The following FAM227B variants were observed in gnomAD, a reference collection of about 807,000 sequenced individuals.
FAM227B encodes family with sequence similarity 227 member B, also known as protein FAM227B.
In FAM227B, 88 loss-of-function variants were observed where a neutral mutation model predicts 73.8. The observed-to-expected ratio is 1.19, with a 90% CI of 1.00 to 1.42. FAM227B has a LOEUF of 1.42. FAM227B is among the 40% of genes most tolerant of loss of function. The pLI is 0.00. For missense variants in FAM227B, 632 were observed against 590.9 expected, an observed-to-expected ratio of 1.07 and a Z score of -0.72; for synonymous variants, 210 against 190.5, an observed-to-expected ratio of 1.10 and a Z score of -0.84.
chr15:49,476,873 C>G (rs2055372798), intron 11 of FAM227B, among the ~76,000 whole-genome samples: 1 of 151,912 alleles, frequency 6.6e-6, no homozygotes, highest in African/African-American at 2.4e-5. Flanking sequence ...TCCTGGCTAA[C>G]ACGGTGAAAC....
chr15:49,611,221 T>G lies in FAM227B; in HGVS notation c.99A>C (p.Gln33His). 1 of 1,586,046 alleles carries G rather than the reference T, an allele frequency of 6.3e-7. No individual in the cohort carries two copies. Among genetic ancestry groups the G allele is most frequent in the Non-Finnish European group, 8.6e-7 (1 of 1,157,294 alleles). Residue 33 changes from glutamine to histidine, a missense_variant, in exon 3 of 16, where the codon CAA becomes CAC. By Grantham distance (24) the Gln-to-His change is conservative. Coordinates refer to ENST00000299338, the MANE Select transcript of FAM227B (RefSeq NM_152647.3). ...PKSIEEFLKFQNWDYWPREIH... is the reference protein window; with the variant it reads ...PKSIEEFLKFHNWDYWPREIH... ...AATAAGATGCTTTACTCACCCAATT[T>G]TGAAACTTTAAGAATTCTTCAATGC...
intron 13 of FAM227B, among the ~76,000 whole-genome samples, chr15:49,352,416 G>C (rs1271870710): frequency 6.6e-6 from 1 of 152,144 alleles, no homozygotes; most frequent in East Asian, 1.9e-4. Context: ...AATATAATCT[G>C]CCATAGGACT....
intron 11 of FAM227B, 117 bp downstream of exon 11, chr15:49,508,092 CAA>C (rs777026434): frequency 2.3e-5 from 23 of 1,005,686 alleles, no homozygotes; most frequent in Middle Eastern, 3.3e-4. Flanking sequence ...ATCTATAAAT[CAA>C]ATGTTATTTT....
chr15:49,430,099 C>A (rs1056607231), intron 11 of FAM227B, among the ~76,000 whole-genome samples: 3 of 151,902 alleles, frequency 2.0e-5, no homozygotes, highest in Admixed American at 2.0e-4. Context: ...CTGGGCTCAT[C>A]TGACCTCTCT....
intron 10 of FAM227B, among the ~76,000 whole-genome samples, chr15:49,533,345 C>T (rs2060762013): frequency 6.6e-6 from 1 of 151,902 alleles, no homozygotes; most frequent in Admixed American, 6.6e-5. Flanking sequence ...AATGTGCATT[C>T]TGCTGCTTTG....
At chr15:49,413,779 T>G (rs1407507574) in intron 11 of FAM227B, among the ~76,000 whole-genome samples, 1 of 151,784 alleles carries the variant, frequency 6.6e-6, no homozygotes, top group Admixed American at 6.6e-5. Flanking sequence ...TTCAGTATAC[T>G]CCAGTTATAC....
intron 10 of FAM227B, among the ~76,000 whole-genome samples, chr15:49,516,944 ACT>A (rs2059418459): frequency 6.6e-6 from 1 of 152,050 alleles, no homozygotes; most frequent in Non-Finnish European, 1.5e-5. Flanking sequence ...GACACTTATG[ACT>A]CTGAAAATGG....
chr15:49,332,515 G>C (rs1034532383), intron 14 of FAM227B, among the ~76,000 whole-genome samples: 1 of 152,130 alleles, frequency 6.6e-6, no homozygotes, highest in African/African-American at 2.4e-5. Flanking sequence ...GAAGCAGCAG[G>C]AACCTTTCCA....
rs1014217106 is a variant in FAM227B at position 49,440,368 on chromosome 15, G to C, written c.1012+67843C>G. 4.6e-5 allele frequency among the ~76,000 whole-genome samples: 7 copies of C among 151,628 alleles called. No individual in the cohort carries two copies. The South Asian group carries it at 1.5e-3, about 32-fold the overall frequency. On this transcript the variant is annotated intron_variant, in intron 11 of 15. Coordinates refer to ENST00000299338, the MANE Select transcript of FAM227B (RefSeq NM_152647.3). ...AGTCATCATAGAGGGGTAGAATATT[G>C]CTCCAAAGTATTTATAGTGAAAAGC...
chr15:49,478,577 A>T (rs944712773), intron 11 of FAM227B, among the ~76,000 whole-genome samples: 4 of 152,142 alleles, frequency 2.6e-5, no homozygotes, highest in African/African-American at 9.6e-5. Flanking sequence ...ACTAGTTCTT[A>T]GTTTTAACAT....
intron 11 of FAM227B, among the ~76,000 whole-genome samples, chr15:49,452,559 G>A (rs1343504641): frequency 1.9e-4 from 29 of 152,128 alleles, no homozygotes; most frequent in Admixed American, 1.9e-3. Context: ...GCAGTTACAA[G>A]TTATTATTGT....
At chr15:49,396,036 G>T (rs992785941) in intron 11 of FAM227B, 7 of 453,822 alleles carry the variant, frequency 1.5e-5, no homozygotes, top group Admixed American at 7.2e-5. Context: ...ACAGCTCCCA[G>T]CGTGAGCGAC....
chr15:49,421,222 T>C (rs1468974274), intron 11 of FAM227B, among the ~76,000 whole-genome samples: 1 of 152,202 alleles, frequency 6.6e-6, no homozygotes, highest in Non-Finnish European at 1.5e-5. Flanking sequence ...TCCTGGAGAA[T>C]TCATTTAGAA....
chr15:49,330,510 G>C (rs775073135), intron 15 of FAM227B: 3 of 152,252 alleles, frequency 2.0e-5, no homozygotes, highest in Admixed American at 6.5e-5. Context: ...TTTCTACAGG[G>C]CATCAATGAA....
chr15:49,466,230 C>T lies in FAM227B; in HGVS notation c.1012+41981G>A, dbSNP rs746312985. Among the ~76,000 whole-genome samples the T allele has an allele frequency of 7.9e-5, 12 of 152,136 alleles. No homozygotes were observed. The South Asian group carries it at 1.2e-3, about 16-fold the overall frequency. ...CTGTTGGATCAGACTTTCTGAGGAA[C>T]GGGAACTGGAAACCTGAAAATCTTT... On this transcript the variant is annotated intron_variant, in intron 11 of 15. Transcript: ENST00000299338.
chr15:49,553,519 G>A (rs778875669), intron 9 of FAM227B, among the ~76,000 whole-genome samples: 3 of 152,192 alleles, frequency 2.0e-5, no homozygotes, highest in South Asian at 2.1e-4. Context: ...TCAGGGTGGC[G>A]AGGTTCCCCA....
chr15:49,582,389 TA>T (rs1254389167), intron 5 of FAM227B, among the ~76,000 whole-genome samples: 4 of 152,072 alleles, frequency 2.6e-5, no homozygotes, highest in African/African-American at 9.7e-5. Flanking sequence ...ACAAGGGAAT[TA>T]CATAATGGTA....
chr15:49,379,128 C>T (rs1301490634), intron 11 of FAM227B, among the ~76,000 whole-genome samples: 2 of 152,174 alleles, frequency 1.3e-5, no homozygotes, highest in African/African-American at 4.8e-5. Flanking sequence ...ACCATCCCTG[C>T]ATCCCTGGAA....
chr15:49,587,823 T>C (rs1598402574), intron 5 of FAM227B, among the ~76,000 whole-genome samples, 193 bp downstream of exon 5: 1 of 152,052 alleles, frequency 6.6e-6, no homozygotes, highest in East Asian at 1.9e-4. Flanking sequence ...TATGTGAAGA[T>C]GCCAATACTC....
Sources: allele counts gnomAD v4.1 joint callset (sites outside exome capture counted in the v4.1 genomes callset), GRCh38; gene constraint gnomAD v4.1.1; transcripts MANE v1.5; gene names NCBI Gene and HGNC (gene_info 2026-07-23, HGNC 2026-07-21).